Variants in MAP4K5 observed in about 807,000 individuals in gnomAD.
The protein encoded by MAP4K5 is mitogen-activated protein kinase kinase kinase kinase 5, also known as MAPK/ERK kinase kinase kinase 5.
MAP4K5 carries 82 observed loss-of-function variants against 135.6 expected under a neutral mutation model. The ratio of observed to expected loss-of-function variants is 0.60; its 90% CI spans 0.51 to 0.73. MAP4K5 has a LOEUF of 0.73. Among genes scored for constraint, MAP4K5 ranks in the 30% least tolerant of loss-of-function variants. The probability of loss-of-function intolerance (pLI) is 0.00; values close to 1 mark genes in which losing one functional copy is unlikely to be tolerated. For missense variants in MAP4K5, 907 were observed against 1,010.9 expected (o/e 0.90, Z 1.39); for synonymous variants, 347 against 335.0 (o/e 1.04, Z -0.39).
rs368338018 is a variant in MAP4K5 at position 50,426,630 on chromosome 14, G to C, written c.2327-653C>G. 1.1e-3 allele frequency among the ~76,000 whole-genome samples: 171 copies of C among 152,246 alleles called. 2 individuals are homozygous for C. In the South Asian group the frequency reaches 0.033, roughly 29 times the overall value. On this transcript the variant is annotated intron_variant, in intron 30 of 32. Coordinates refer to ENST00000682126, the MANE Select transcript of MAP4K5 (RefSeq NM_006575.6). The stretch of plus-strand genomic sequence containing the variant: ...CCCCAGCTACTCAGGACGCTGAAAC[G>C]GGAGAATTGCTTGAACCCCACAGGT...
intron 2 of MAP4K5, among the ~76,000 whole-genome samples, chr14:50,508,169 C>T (rs1334243155): frequency 6.6e-6 from 1 of 152,092 alleles, no homozygotes; most frequent in African/African-American, 2.4e-5. Context: ...AGGATTGCAA[C>T]CCCTGCTTTT....
At chr14:50,428,878 G>A (rs1381314609) in intron 29 of MAP4K5, 124 bp from the exon 30 acceptor site, 16 of 652,590 alleles carry the variant, frequency 2.5e-5, no homozygotes, top group Non-Finnish European at 3.9e-5. Flanking sequence ...TATTTATCTT[G>A]AGTCAGGTAT....
chr14:50,493,687 C>G (rs923756015), intron 3 of MAP4K5, among the ~76,000 whole-genome samples: 11 of 151,968 alleles, frequency 7.2e-5, no homozygotes, highest in Non-Finnish European at 1.3e-4. Context: ...ATTAAGAAAA[C>G]AATTTATTTA....
chr14:50,423,091 G>A lies in MAP4K5; in HGVS notation c.2453+30C>T, dbSNP rs2035768927. On this transcript the variant is annotated intron_variant, in intron 32 of 32. Transcript: ENST00000682126. ...AGAGTATGATCTTTGAACTCCTTTG[G>A]TAATTAAATTAATACAACCAAACTA... is the stretch of plus-strand genomic sequence containing the variant. The A allele has an allele frequency of 1.3e-5, 15 of 1,165,598 alleles. No individual in the cohort carries two copies. The South Asian group carries it at 2.1e-4, about 16-fold the overall frequency. The allele number at this position is 1,165,598 out of a possible 1,614,324, so 72.2% of individuals were successfully genotyped here.
chr14:50,449,470 C>T (rs2036434193), intron 14 of MAP4K5: 2 of 151,776 alleles, frequency 1.3e-5, no homozygotes, highest in African/African-American at 4.8e-5. Context: ...GATTAAAAGC[C>T]CCCCAAATTT....
At chr14:50,544,760 C>G (rs1297605719) in intron 1 of MAP4K5, among the ~76,000 whole-genome samples, 3 of 151,600 alleles carry the variant, frequency 2.0e-5, no homozygotes, top group African/African-American at 7.3e-5. Context: ...ATAGTGAGAA[C>G]TCATCTCTAC....
chr14:50,515,841 T>C (rs909942168), intron 2 of MAP4K5, among the ~76,000 whole-genome samples: 39 of 152,166 alleles, frequency 2.6e-4, no homozygotes, highest in Non-Finnish European at 1.8e-4. Flanking sequence ...CAGCCAACCA[T>C]CTATTTCTAG....
upstream of MAP4K5, among the ~76,000 whole-genome samples, chr14:50,537,567 A>G (rs971286931): frequency 5.9e-5 from 9 of 152,176 alleles, no homozygotes; most frequent in Admixed American, 3.9e-4. Context: ...AGCTGCAGAC[A>G]CTCAACATGG....
In MAP4K5 at chr14:50,532,021, T is replaced by A; in HGVS notation, c.29A>T (p.Asp10Val). Residue 10 changes from aspartate to valine, a missense_variant, in exon 2 of 33, where the codon GAC becomes GTC. Asp to Val is a radical substitution (Grantham distance 152). This residue lies in a region of MAP4K5 where 196 missense variants were observed against 189.3 expected (regional missense o/e 1.04). Transcript: ENST00000682126. The part of the protein sequence containing the change: MEAPLRPAA[D>V]ILRRNPQQDY... ...CTGCTGCGGGTTCCGCCTCAGGATGTCCGCGGCAGGCCGCAGCGGGGCCTC... is the reference window on the plus strand; with the variant it reads ...CTGCTGCGGGTTCCGCCTCAGGATGACCGCGGCAGGCCGCAGCGGGGCCTC... 6.3e-7 allele frequency: 1 copy of A among 1,588,396 alleles called. No homozygotes were observed. The highest frequency in any genetic ancestry group is 8.6e-7 in the Non-Finnish European group (1 of 1,166,762).
chr14:50,426,004 CTAAT>C, intron 30 of MAP4K5, 27 bp from the exon 31 acceptor site: 1 of 1,402,002 alleles, frequency 7.1e-7, no homozygotes, highest in Non-Finnish European at 1.0e-6. Context: ...AGAAGTGAAA[CTAAT>C]ATAAAGCACA....
intron 26 of MAP4K5, among the ~76,000 whole-genome samples, chr14:50,436,377 A>C (rs1243355873): frequency 6.6e-6 from 1 of 152,144 alleles, no homozygotes; most frequent in Non-Finnish European, 1.5e-5. Flanking sequence ...ACTGGATAAT[A>C]TAACAATAAT....
intron 2 of MAP4K5, among the ~76,000 whole-genome samples, chr14:50,516,265 C>T (rs13379416): frequency 0.1 from 15,791 of 152,240 alleles, 1,176 homozygotes; most frequent in South Asian, 0.28. Flanking sequence ...AGACAGTGGT[C>T]CCATTTACTG....
chr14:50,453,536 C>T (rs987322415), intron 14 of MAP4K5, among the ~76,000 whole-genome samples: 1 of 152,102 alleles, frequency 6.6e-6, no homozygotes, highest in Admixed American at 6.6e-5. Flanking sequence ...AGAAACATTG[C>T]TACATGAAAT....
At chr14:50,479,568 GC>G (rs2037191266) in intron 6 of MAP4K5, among the ~76,000 whole-genome samples, 1 of 151,958 alleles carries the variant, frequency 6.6e-6, no homozygotes, top group South Asian at 2.1e-4. Context: ...TTTGACTTGG[GC>G]CTTTTTTATA....
intron 30 of MAP4K5, among the ~76,000 whole-genome samples, chr14:50,427,374 A>G (rs2035869999): frequency 6.6e-6 from 1 of 152,208 alleles, no homozygotes; most frequent in Non-Finnish European, 1.5e-5. Flanking sequence ...TGACATTTAC[A>G]GAAAGTTTAG....
At chr14:50,522,962 G>A (rs2038182483) in intron 2 of MAP4K5, among the ~76,000 whole-genome samples, 1 of 152,110 alleles carries the variant, frequency 6.6e-6, no homozygotes, top group Admixed American at 6.6e-5. Flanking sequence ...ACAAATTCAT[G>A]CTTAAAAAAA....
intron 2 of MAP4K5, among the ~76,000 whole-genome samples, chr14:50,505,722 G>GACCTTGGATGTTAAA (rs369038698): frequency 2.0e-5 from 3 of 152,242 alleles, no homozygotes; most frequent in African/African-American, 4.8e-5. Context: ...TACTGTCATC[G>GACCTTGGATGTTAAA]ACCTTGGATG....
chr14:50,540,613 C>G (rs2038548894), intron 2 of MAP4K5, among the ~76,000 whole-genome samples: 2 of 152,274 alleles, frequency 1.3e-5, no homozygotes, highest in Non-Finnish European at 1.5e-5. Context: ...ATAATAATCT[C>G]TGCAGTCTCA....
chr14:50,557,544 C>T (rs1236000378), intron 1 of MAP4K5, among the ~76,000 whole-genome samples: 2 of 152,156 alleles, frequency 1.3e-5, no homozygotes, highest in Admixed American at 6.5e-5. Flanking sequence ...ACCTACATAA[C>T]ATTCTATTGC....
Sources: gnomAD v4.1 joint callset for allele counts (sites outside exome capture counted in the v4.1 genomes callset) on GRCh38, gnomAD v4.1.1 for gene constraint, gnomAD v4.1.1 regional missense constraint, MANE v1.5 for transcripts, NCBI Gene and HGNC (gene_info 2026-07-23, HGNC 2026-07-21) for gene names.